TBXAS1: variants seen among roughly 807,000 people sequenced by gnomAD.
The protein encoded by TBXAS1 is thromboxane-A synthase.
TBXAS1 carries 48 observed loss-of-function variants against 60.7 expected under a neutral mutation model. The ratio of observed to expected loss-of-function variants is 0.79; its 90% CI spans 0.63 to 1.01. The LOEUF is 1.01. Ranked by LOEUF, TBXAS1 falls within the 50% of genes least tolerant of loss-of-function variation. The pLI, the probability that TBXAS1 is intolerant of heterozygous loss-of-function variation, is 0.00. For synonymous variants in TBXAS1, 287 were observed against 269.7 expected, an observed-to-expected ratio of 1.06 and a Z score of -0.63; for missense variants, 685 against 686.3, an observed-to-expected ratio of 1.00 and a Z score of 0.02.
intron 4 of TBXAS1, among the ~76,000 whole-genome samples, chr7:139,806,987 G>A (rs1174645344): frequency 6.6e-6 from 1 of 152,180 alleles, no homozygotes; most frequent in Non-Finnish European, 1.5e-5. Flanking sequence ...ACTCCCATAT[G>A]GAACACTGCA....
chr7:139,984,483 G>C (rs1195398042), intron 9 of TBXAS1, among the ~76,000 whole-genome samples: 1 of 151,472 alleles, frequency 6.6e-6, no homozygotes, highest in South Asian at 2.1e-4. Context: ...GCCACTCCTG[G>C]GTTGCTCTCT....
At chr7:139,947,521 A>G (rs1001151032) in intron 5 of TBXAS1, among the ~76,000 whole-genome samples, 2 of 152,234 alleles carry the variant, frequency 1.3e-5, no homozygotes, top group African/African-American at 2.4e-5. Flanking sequence ...CTATGTAACA[A>G]ACCTGCATGT....
chr7:139,847,343 T>C (rs1569499836), intron 1 of TBXAS1, among the ~76,000 whole-genome samples: 1 of 152,162 alleles, frequency 6.6e-6, no homozygotes, highest in East Asian at 1.9e-4. Flanking sequence ...GCATAGCACA[T>C]CAGTAAATAA....
In TBXAS1 at chr7:139,936,105, C is replaced by T. The variant is rs879013607; in HGVS notation, c.334-86C>T. 101 of 1,252,328 alleles carry T rather than the reference C, an allele frequency of 8.1e-5. No homozygotes were observed. In the Middle Eastern group the frequency reaches 1.5e-3, roughly 19 times the overall value. The allele number at this position is 1,252,328 out of a possible 1,614,324, so 77.6% of individuals were successfully genotyped here. On this transcript the variant is annotated intron_variant, in intron 4 of 12. Coordinates refer to ENST00000448866, the MANE Select transcript of TBXAS1 (RefSeq NM_001061.7). Reference sequence around the variant, plus strand: ...CTTGTTGGCCACTGATGGACTTTAACCAGGGTGTTTGTCATGGACCTGTAT... The same window carrying T: ...CTTGTTGGCCACTGATGGACTTTAATCAGGGTGTTTGTCATGGACCTGTAT...
chr7:139,778,885 A>G lies in TBXAS1; in HGVS notation c.-318+414A>G, dbSNP rs560797202. On this transcript the variant is annotated intron_variant, in intron 1 of 16. Transcript: ENST00000336425. This position sits in a 1 kb window ranked among gnomAD's most constrained non-coding sequence, Gnocchi z 4.8. Reference sequence around the variant, plus strand: ...CCCTGCCATCCCCTCCAACTTAGGAAGACTTGTTGAGTCTCCTCTTAGGCA... The same window carrying G: ...CCCTGCCATCCCCTCCAACTTAGGAGGACTTGTTGAGTCTCCTCTTAGGCA... Among the ~76,000 whole-genome samples, 1 of 152,308 alleles carries G rather than the reference A, an allele frequency of 6.6e-6. No homozygotes were observed. The highest frequency in any genetic ancestry group is 1.5e-5 in the Non-Finnish European group (1 of 68,030).
In TBXAS1 at chr7:140,015,712, G is replaced by A. The variant is rs1476348117; in HGVS notation, c.1227-11G>A. On this transcript the variant is annotated splice_polypyrimidine_tract_variant and intron_variant, in intron 10 of 12. Transcript: ENST00000448866. The stretch of plus-strand genomic sequence containing the variant: ...TCTCTGTATCCACCCCCGACCTGGT[G>A]TTTCCCTCAGATTCACACGGGAGGC... 6.2e-7 allele frequency: 1 copy of A among 1,612,888 alleles called. No individual in the cohort carries two copies. Among genetic ancestry groups the A allele is most frequent in the Admixed American group, 1.7e-5 (1 of 60,028 alleles).
At chr7:139,981,279 C>A (rs574005949) in intron 9 of TBXAS1, among the ~76,000 whole-genome samples, 17 of 152,222 alleles carry the variant, frequency 1.1e-4, no homozygotes, top group African/African-American at 3.1e-4. Flanking sequence ...CCATGCCCGG[C>A]TAATTTTTGT....
chr7:139,846,751 C>G (rs1799834111), intron 1 of TBXAS1, among the ~76,000 whole-genome samples: 1 of 152,064 alleles, frequency 6.6e-6, no homozygotes, highest in South Asian at 2.1e-4. Flanking sequence ...AGCTTTTGAC[C>G]TTGAACAAGT....
chr7:140,010,619 AC>A (rs1462050595), intron 10 of TBXAS1, among the ~76,000 whole-genome samples: 1 of 152,034 alleles, frequency 6.6e-6, no homozygotes, highest in Non-Finnish European at 1.5e-5. Flanking sequence ...GACATCACAA[AC>A]CCCAGCTGCC....
chr7:139,887,180 T>C (rs925200470), intron 3 of TBXAS1, among the ~76,000 whole-genome samples: 8 of 152,184 alleles, frequency 5.3e-5, no homozygotes, highest in African/African-American at 1.9e-4. Flanking sequence ...GGTTTCAGAA[T>C]TGATGGTCTC....
chr7:139,997,541 T>C (rs1813382790), intron 9 of TBXAS1, among the ~76,000 whole-genome samples: 1 of 152,106 alleles, frequency 6.6e-6, no homozygotes, highest in Non-Finnish European at 1.5e-5. Flanking sequence ...ATGTGTTTTA[T>C]TTGTTCCTAT....
intron 9 of TBXAS1, among the ~76,000 whole-genome samples, chr7:139,993,486 C>T (rs1213021802): frequency 6.6e-6 from 1 of 152,192 alleles, no homozygotes; most frequent in Non-Finnish European, 1.5e-5. Flanking sequence ...GCTTACTGCT[C>T]AAGTTCATCT....
chr7:139,869,013 G>T (rs1801635331), intron 1 of TBXAS1, among the ~76,000 whole-genome samples: 1 of 151,934 alleles, frequency 6.6e-6, no homozygotes, highest in Non-Finnish European at 1.5e-5. Context: ...TGCCCAGGCT[G>T]GTCTCAAACT....
At position 140,013,788 on chromosome 7, in the gene TBXAS1, A is replaced by C. The variant is rs555213875; in HGVS notation, c.1227-1935A>C. On this transcript the variant is annotated intron_variant, in intron 10 of 12. Coordinates refer to ENST00000448866, the MANE Select transcript of TBXAS1 (RefSeq NM_001061.7). The surrounding 1 kb of genome is among the most constrained non-coding windows in gnomAD (Gnocchi z 4.2). The stretch of plus-strand genomic sequence containing the variant: ...CCAGGCAAACCTGGAGACTGCATCA[A>C]CACCAGCAGCCTCCAACACACCTGA... Among the ~76,000 whole-genome samples the C allele has an allele frequency of 2.8e-4, 42 of 152,344 alleles. 1 individual carries two copies. Among genetic ancestry groups the C allele is most frequent in the South Asian group, 2.5e-3 (12 of 4,832 alleles).
At chr7:139,821,395 T>G (rs143262761) in intron 4 of TBXAS1, among the ~76,000 whole-genome samples, 11 of 152,168 alleles carry the variant, frequency 7.2e-5, no homozygotes, top group Non-Finnish European at 1.5e-4. Context: ...GAACAGCCTG[T>G]GATGTTAACA....
chr7:139,937,294 C>G (rs1321777665), intron 5 of TBXAS1, among the ~76,000 whole-genome samples: 2 of 152,204 alleles, frequency 1.3e-5, no homozygotes, highest in Admixed American at 1.3e-4. Flanking sequence ...GCCATCCACC[C>G]TGTCTGGATG....
chr7:139,904,785 T>C lies in TBXAS1; in HGVS notation c.237-6440T>C, dbSNP rs139550434. ...TGTATAGAAGAGCTACTGATTGGTG[T>C]ACATTAATCTTGTATCTGGAAACTT... On this transcript the variant is annotated intron_variant, in intron 3 of 12. Transcript: ENST00000448866. Among the ~76,000 whole-genome samples the C allele has an allele frequency of 9.2e-3, 1,395 of 152,306 alleles. 15 individuals carry two copies. The highest frequency in any genetic ancestry group is 0.028 in the South Asian group (133 of 4,828).
chr7:139,966,255 A>C (rs17181356), intron 9 of TBXAS1, among the ~76,000 whole-genome samples: 12,599 of 152,258 alleles, frequency 0.083, 622 homozygotes, highest in Middle Eastern at 0.12. Context: ...TTTCATAGCA[A>C]TGCACCATGG....
intron 3 of TBXAS1, among the ~76,000 whole-genome samples, chr7:139,900,491 G>C (rs1221777150): frequency 6.6e-6 from 1 of 152,206 alleles, no homozygotes; most frequent in Non-Finnish European, 1.5e-5. Flanking sequence ...AGGGAAGTAA[G>C]CTTTGAGAGG....
Sources: allele counts gnomAD v4.1 joint callset (sites outside exome capture counted in the v4.1 genomes callset), GRCh38; gene constraint gnomAD v4.1.1; non-coding constraint Gnocchi (gnomAD v3.1); transcripts MANE v1.5; gene names NCBI Gene and HGNC (gene_info 2026-07-23, HGNC 2026-07-21).